The following PHKB variants were observed in gnomAD, a reference collection of about 807,000 sequenced individuals.
The protein encoded by PHKB is phosphorylase kinase regulatory subunit beta, also known as phosphorylase b kinase regulatory subunit beta.
A neutral mutation model predicts 152.1 loss-of-function variants in PHKB; 122 were observed. The ratio of observed to expected loss-of-function variants is 0.80; its 90% CI spans 0.69 to 0.93. PHKB has a LOEUF of 0.93. Among genes scored for constraint, PHKB ranks in the 40% least tolerant of loss-of-function variants. PHKB has a pLI of 0.00. For synonymous variants in PHKB, 436 were observed against 464.9 expected, an observed-to-expected ratio of 0.94 and a Z score of 0.80; for missense variants, 1,304 against 1,328.4, an observed-to-expected ratio of 0.98 and a Z score of 0.29.
chr16:47,478,953 C>G (rs1969917670), intron 1 of PHKB, among the ~76,000 whole-genome samples: 1 of 152,122 alleles, frequency 6.6e-6, no homozygotes, highest in Non-Finnish European at 1.5e-5. Context: ...TATCAGATCC[C>G]TGAATAGAGT....
chr16:47,650,334 G>A (rs551287254), intron 18 of PHKB, among the ~76,000 whole-genome samples: 1 of 152,262 alleles, frequency 6.6e-6, no homozygotes, highest in African/African-American at 2.4e-5. Flanking sequence ...GTTTGAAATC[G>A]TTGAACTCAA....
Position 47,514,851 on chromosome 16 carries a change from A to G in PHKB, c.514-670A>G, listed in dbSNP as rs1332272528. Among the ~76,000 whole-genome samples the G allele has an allele frequency of 2.6e-5, 4 of 152,216 alleles. No individual in the cohort carries two copies. The East Asian group carries it at 7.7e-4, about 29-fold the overall frequency. The stretch of plus-strand genomic sequence containing the variant: ...ATATTAGTATTTTTTTGTTTAGATC[A>G]TAAAATATCTATTTTTAATACACTA... On this transcript the variant is annotated intron_variant, in intron 5 of 30. Transcript: ENST00000323584.
At position 47,700,029 on chromosome 16, in the gene PHKB, G is replaced by A. The variant is rs1974220440; in HGVS notation, c.*663G>A. The A allele has an allele frequency of 6.4e-6, 1 of 155,242 alleles. No individual in the cohort carries two copies. Among genetic ancestry groups the A allele is most frequent in the Non-Finnish European group, 1.4e-5 (1 of 70,012 alleles). 9.6% of individuals were successfully genotyped at this position (155,242 alleles called of 1,614,324 possible). ...TTTCTTTGAGCTCCTGCTAAAAATA[G>A]GACATGTCTATGATTGTTCAAAAAT... is the stretch of plus-strand genomic sequence containing the variant. On this transcript the variant is annotated 3_prime_UTR_variant, in exon 31 of 31. Coordinates refer to ENST00000323584, the MANE Select transcript of PHKB (RefSeq NM_000293.3).
rs141382305 is a variant in PHKB at position 47,518,435 on chromosome 16, C to T, written c.594+2834C>T. 4.9e-4 allele frequency among the ~76,000 whole-genome samples: 74 copies of T among 152,184 alleles called. No homozygotes were observed. In the East Asian group the frequency reaches 0.014, roughly 29 times the overall value. ...TACTGTAGTTCCTTTGGGAGAGGGC[C>T]ATGGTCTTAAGGGTCATGTGCACCT... On this transcript the variant is annotated intron_variant, in intron 6 of 30. Coordinates refer to ENST00000323584, the MANE Select transcript of PHKB (RefSeq NM_000293.3).
At chr16:47,693,317 C>T in intron 27 of PHKB, 61 bp from the exon 28 acceptor site, 1 of 1,575,458 alleles carries the variant, frequency 6.3e-7, no homozygotes, top group Non-Finnish European at 8.7e-7. Context: ...ATATTGAAAG[C>T]CCTGCTGTCT....
chr16:47,679,722 C>T (rs1357222435), intron 26 of PHKB, among the ~76,000 whole-genome samples: 3 of 152,210 alleles, frequency 2.0e-5, no homozygotes, highest in Non-Finnish European at 2.9e-5. Context: ...CAAACAGGGA[C>T]AATTTGACTT....
chr16:47,685,037 C>T (rs546189226), intron 26 of PHKB, among the ~76,000 whole-genome samples: 1 of 152,248 alleles, frequency 6.6e-6, no homozygotes, highest in East Asian at 1.9e-4. Flanking sequence ...ATTATTTTGA[C>T]CTTCCACATT....
At chr16:47,630,553 C>G (rs920838361) in intron 14 of PHKB, among the ~76,000 whole-genome samples, 2 of 152,062 alleles carry the variant, frequency 1.3e-5, no homozygotes, top group Non-Finnish European at 2.9e-5. Context: ...TTCTTAAAAC[C>G]TGATCTCAGG....
Position 47,699,504 on chromosome 16 carries a change from A to T in PHKB, c.*138A>T. 2 of 948,118 alleles carry T rather than the reference A, an allele frequency of 2.1e-6. No individual in the cohort carries two copies. Among genetic ancestry groups the T allele is most frequent in the Non-Finnish European group, 3.5e-6 (2 of 576,658 alleles). 58.7% of individuals were successfully genotyped at this position (948,118 alleles called of 1,614,324 possible). A position where few individuals can be genotyped will look rare whatever the true frequency, so the allele number is the denominator to read the frequency against. On this transcript the variant is annotated 3_prime_UTR_variant, in exon 31 of 31. Coordinates refer to ENST00000323584, the MANE Select transcript of PHKB (RefSeq NM_000293.3). ...TGAATGCCACATCCTTGGCGGGGTT[A>T]TGGACCTCTTGCATGTCATAGCCAA...
Position 47,610,825 on chromosome 16 carries a change from G to A in PHKB, c.1364-1G>A. 1 of 1,579,676 alleles carries A rather than the reference G, an allele frequency of 6.3e-7. No homozygotes were observed. Among genetic ancestry groups the A allele is most frequent in the Non-Finnish European group, 8.7e-7 (1 of 1,149,048 alleles). ...AATGTCATTCCCCTTCTTTTTTTCA[G>A]CTGATGAACTTATTAGTCCTAAAGA... On this transcript the variant is annotated splice_acceptor_variant, in intron 13 of 30. Transcript: ENST00000323584. LOFTEE classifies it high-confidence loss of function.
intron 17 of PHKB, among the ~76,000 whole-genome samples, chr16:47,648,860 C>T (rs1043692052): frequency 3.3e-5 from 5 of 152,146 alleles, no homozygotes; most frequent in African/African-American, 1.2e-4. Flanking sequence ...CTAATTATAA[C>T]AATATTTACT....
chr16:47,511,101 G>A (rs772448383), intron 4 of PHKB, among the ~76,000 whole-genome samples: 1 of 152,136 alleles, frequency 6.6e-6, no homozygotes, highest in African/African-American at 2.4e-5. Flanking sequence ...AAATAATGGC[G>A]TGGCCTATAT....
At chr16:47,622,908 A>C (rs1345734625) in intron 14 of PHKB, among the ~76,000 whole-genome samples, 3 of 152,238 alleles carry the variant, frequency 2.0e-5, no homozygotes, top group African/African-American at 7.2e-5. Context: ...TCCTCTAAAT[A>C]TACAAATGCA....
intron 14 of PHKB, among the ~76,000 whole-genome samples, chr16:47,623,798 T>G (rs1472517768): frequency 6.6e-6 from 1 of 152,128 alleles, no homozygotes; most frequent in Admixed American, 6.5e-5. Context: ...TCTCAAGTGA[T>G]CCACCCGCCT....
intron 16 of PHKB, among the ~76,000 whole-genome samples, chr16:47,644,351 C>T (rs1973078783): frequency 6.6e-6 from 1 of 152,266 alleles, no homozygotes; most frequent in African/African-American, 2.4e-5. Flanking sequence ...TCAGTTGCTC[C>T]CTCATTCATC....
At chr16:47,513,182 T>C (rs911204908) in intron 5 of PHKB, among the ~76,000 whole-genome samples, 5 of 152,230 alleles carry the variant, frequency 3.3e-5, no homozygotes, top group African/African-American at 9.6e-5. Flanking sequence ...CAACCTGTTA[T>C]GTGGCAGTCC....
intron 25 of PHKB, among the ~76,000 whole-genome samples, chr16:47,668,405 G>A (rs1010085719): frequency 6.6e-5 from 10 of 152,154 alleles, no homozygotes; most frequent in Admixed American, 2.0e-4. Flanking sequence ...CCTTTGATAT[G>A]CTATTCTTTT....
intron 6 of PHKB, among the ~76,000 whole-genome samples, chr16:47,516,853 T>C (rs754412307): frequency 5.3e-5 from 8 of 152,232 alleles, no homozygotes; most frequent in Non-Finnish European, 8.8e-5. Context: ...CAAAGAATTC[T>C]ATGGTTTCAT....
At chr16:47,510,166 C>T (rs1970486100) in intron 4 of PHKB, among the ~76,000 whole-genome samples, 1 of 152,184 alleles carries the variant, frequency 6.6e-6, no homozygotes, top group Non-Finnish European at 1.5e-5. Context: ...TCTTGGCATG[C>T]AGATGTGTTC....
Sources: gnomAD v4.1 joint callset for allele counts (sites outside exome capture counted in the v4.1 genomes callset) on GRCh38, gnomAD v4.1.1 for gene constraint, MANE v1.5 for transcripts, NCBI Gene and HGNC (gene_info 2026-07-23, HGNC 2026-07-21) for gene names.